Variants in DSCAML1 observed in about 807,000 individuals in gnomAD.
DSCAML1 encodes the protein cell adhesion molecule DSCAML1.
A neutral mutation model predicts 200.5 loss-of-function variants in DSCAML1; 38 were observed. The observed-to-expected ratio is 0.19, with a 90% CI of 0.15 to 0.25. The LOEUF is 0.25. Ranked by LOEUF, DSCAML1 falls within the 10% of genes least tolerant of loss-of-function variation. DSCAML1 has a pLI of 1.00. For missense variants in DSCAML1, 2,223 were observed against 2,858.8 expected, an observed-to-expected ratio of 0.78 and a Z score of 5.07; for synonymous variants, 1,215 against 1,165.0, an observed-to-expected ratio of 1.04 and a Z score of -0.87.
At chr11:117,545,234 AACACAC>A (rs758060622) in intron 3 of DSCAML1, among the ~76,000 whole-genome samples, 20 of 143,404 alleles carry the variant, frequency 1.4e-4, no homozygotes, top group East Asian at 5.9e-4. Context: ...CGTAAAAAAA[AACACAC>A]ACACACACAC....
chr11:117,569,552 G>A (rs631120), intron 3 of DSCAML1, among the ~76,000 whole-genome samples: 27,826 of 152,070 alleles, frequency 0.18, 2,780 homozygotes, highest in South Asian at 0.32. Flanking sequence ...AGAGGCATGA[G>A]CCACCCTGCC....
intron 3 of DSCAML1, among the ~76,000 whole-genome samples, chr11:117,764,379 G>T (rs144482895): frequency 6.6e-6 from 1 of 152,108 alleles, no homozygotes; most frequent in Non-Finnish European, 1.5e-5. Context: ...ACACATGCAC[G>T]CATATATATT....
At chr11:117,802,466 G>C (rs1423489489) in intron 1 of DSCAML1, among the ~76,000 whole-genome samples, 1 of 152,224 alleles carries the variant, frequency 6.6e-6, no homozygotes, top group Non-Finnish European at 1.5e-5. Context: ...GGTACACTCA[G>C]TAAGTGTTGA....
intron 3 of DSCAML1, among the ~76,000 whole-genome samples, chr11:117,538,210 C>T (rs967185635): frequency 1.3e-5 from 2 of 152,200 alleles, no homozygotes; most frequent in African/African-American, 4.8e-5. Context: ...GATCAATTTG[C>T]AAAGACTCTT....
intron 19 of DSCAML1, among the ~76,000 whole-genome samples, chr11:117,453,028 G>A (rs752505123): frequency 6.6e-6 from 1 of 151,954 alleles, no homozygotes; most frequent in African/African-American, 2.4e-5. Flanking sequence ...TCCACCTCCC[G>A]GGTTCCAGCA....
At chr11:117,741,845 C>G (rs774685036) in intron 3 of DSCAML1, among the ~76,000 whole-genome samples, 8 of 152,198 alleles carry the variant, frequency 5.3e-5, no homozygotes, top group Admixed American at 3.9e-4. Context: ...ATGGAGCCCA[C>G]AAGCTCCATA....
chr11:117,810,477 T>C (rs1403728064), intron 1 of DSCAML1, among the ~76,000 whole-genome samples: 3 of 152,088 alleles, frequency 2.0e-5, no homozygotes, highest in African/African-American at 7.2e-5. Flanking sequence ...TTTCTCTGCT[T>C]TTCTGGAGGG....
chr11:117,588,197 A>G (rs2051187605), intron 3 of DSCAML1, among the ~76,000 whole-genome samples: 2 of 152,124 alleles, frequency 1.3e-5, no homozygotes, highest in South Asian at 4.1e-4. Flanking sequence ...AAGGAGGCCC[A>G]GGCATCTGGC....
intron 3 of DSCAML1, among the ~76,000 whole-genome samples, chr11:117,649,386 G>A (rs1187263309): frequency 6.6e-6 from 1 of 152,092 alleles, no homozygotes; most frequent in Non-Finnish European, 1.5e-5. Context: ...CACTATTTTT[G>A]CAGGCCCAAA....
At chr11:117,725,853 A>AAAACAAAACAAAAC (rs1565896746) in intron 3 of DSCAML1, among the ~76,000 whole-genome samples, 3 of 135,402 alleles carry the variant, frequency 2.2e-5, no homozygotes, top group African/African-American at 8.9e-5. Context: ...CAAAACAAAA[A>AAAACAAAACAAAAC]GGTAGGGAGG....
intron 3 of DSCAML1, among the ~76,000 whole-genome samples, chr11:117,600,289 A>C (rs1256917151): frequency 1.3e-5 from 2 of 151,572 alleles, no homozygotes; most frequent in Non-Finnish European, 2.9e-5. Context: ...TCTCTGCAAC[A>C]CCTCCTTTCT....
chr11:117,674,890 G>T (rs2053179164), intron 3 of DSCAML1, among the ~76,000 whole-genome samples: 1 of 152,158 alleles, frequency 6.6e-6, no homozygotes, highest in Non-Finnish European at 1.5e-5. Flanking sequence ...CTGGATGCTT[G>T]TCCTATAGGG....
At chr11:117,601,348 GGT>G (rs1192604171) in intron 3 of DSCAML1, among the ~76,000 whole-genome samples, 2 of 152,154 alleles carry the variant, frequency 1.3e-5, no homozygotes, top group Admixed American at 1.3e-4. Flanking sequence ...AGACCACCAG[GGT>G]GTGTTGAGGA....
At chr11:117,791,459 G>A (rs1016863375) in intron 1 of DSCAML1, among the ~76,000 whole-genome samples, 1 of 152,212 alleles carries the variant, frequency 6.6e-6, no homozygotes, top group Non-Finnish European at 1.5e-5. Context: ...CTGGCCAACC[G>A]TGGTAGAGAT....
Position 117,527,145 on chromosome 11 carries a change from G to C in DSCAML1, c.659-2062C>G, listed in dbSNP as rs139401146. On this transcript the variant is annotated intron_variant, in intron 4 of 32. Transcript: ENST00000651296. ...CTACTGTACTCCATCCTGGGCAACA[G>C]AGCAAGATCTTGTCTCAAAAATAAT... is the stretch of plus-strand genomic sequence containing the variant. Among the ~76,000 whole-genome samples, 567 of 152,322 alleles carry C rather than the reference G, an allele frequency of 3.7e-3. 4 individuals are homozygous for C. Among genetic ancestry groups the C allele is most frequent in the African/African-American group, 0.013 (535 of 41,568 alleles).
rs147836175 is a variant in DSCAML1, at chr11:117,458,241, G to T, written c.3568+513C>A. On this transcript the variant is annotated intron_variant, in intron 19 of 32. Coordinates refer to ENST00000651296, the MANE Select transcript of DSCAML1 (RefSeq NM_020693.4). Reference sequence around the variant, plus strand: ...CTGTCTCTGGCTTTCCTCCAGTTCTGCCCCATGAGGAAGGGCTTTGAGATC... The same window carrying T: ...CTGTCTCTGGCTTTCCTCCAGTTCTTCCCCATGAGGAAGGGCTTTGAGATC... Among the ~76,000 whole-genome samples, 1,391 of 152,172 alleles carry T rather than the reference G, an allele frequency of 9.1e-3. 17 individuals are homozygous for T. The highest frequency in any genetic ancestry group is 0.031 in the African/African-American group (1,271 of 41,498).
chr11:117,454,059 G>T (rs879746364), intron 19 of DSCAML1, among the ~76,000 whole-genome samples: 2 of 152,042 alleles, frequency 1.3e-5, no homozygotes, highest in African/African-American at 4.8e-5. Context: ...TTGAATTTGT[G>T]GCTTGATATC....
intron 19 of DSCAML1, among the ~76,000 whole-genome samples, chr11:117,452,313 T>G (rs1314143242): frequency 6.6e-6 from 1 of 152,268 alleles, no homozygotes; most frequent in East Asian, 1.9e-4. Flanking sequence ...CATTCAAATT[T>G]AGAATTGTTT....
In DSCAML1 at chr11:117,780,729, A is replaced by C. The variant is rs560881596; in HGVS notation, c.128T>G (p.Val43Gly). ...GCCCGCGGCCGGGCAGGGCACCACC[A>C]CCCCCACGGAGCTGGAAAAGGTCAC... ...QQVTFSSSVGVVVPCPAAGSP... is the reference protein window; with the variant it reads ...QQVTFSSSVGGVVPCPAAGSP... Residue 43 changes from valine to glycine, a missense_variant, in exon 2 of 33, where the codon GTG becomes GGG. Around this residue, in one of 7 missense-constraint regions of DSCAML1, gnomAD observed 579 missense variants for 721.5 expected, o/e 0.80. Transcript: ENST00000651296. This position sits in a 1 kb window ranked among gnomAD's most constrained non-coding sequence, Gnocchi z 4.8. The C allele has an allele frequency of 8.9e-6, 14 of 1,566,048 alleles. No individual in the cohort carries two copies. In the African/African-American group the frequency reaches 9.6e-5, roughly 11 times the overall value.
Sources: gnomAD v4.1 joint callset for allele counts (sites outside exome capture counted in the v4.1 genomes callset) on GRCh38, gnomAD v4.1.1 for gene constraint, gnomAD v4.1.1 regional missense constraint, Gnocchi (gnomAD v3.1) non-coding constraint, MANE v1.5 for transcripts, NCBI Gene and HGNC (gene_info 2026-07-23, HGNC 2026-07-21) for gene names.